HIPK2: variants seen among roughly 807,000 people sequenced by gnomAD.
The protein encoded by HIPK2 is homeodomain interacting protein kinase 2.
A neutral mutation model predicts 113.7 loss-of-function variants in HIPK2; 27 were observed. The observed-to-expected ratio is 0.24, with a 90% CI of 0.17 to 0.33. The LOEUF is 0.33. HIPK2 is among the 10% of genes least tolerant of loss of function. HIPK2 has a pLI of 1.00. For synonymous variants in HIPK2, 631 were observed against 642.2 expected (o/e 0.98, Z 0.26); for missense variants, 1,257 against 1,588.0 (o/e 0.79, Z 3.54).
intron 2 of HIPK2, among the ~76,000 whole-genome samples, chr7:139,686,078 G>A (rs551040580): frequency 6.6e-6 from 1 of 152,328 alleles, no homozygotes; most frequent in South Asian, 2.1e-4. Context: ...ATTAAGAACA[G>A]TCATGATTCA....
Position 139,583,923 on chromosome 7 carries a change from C to G in HIPK2, c.2859G>C (p.Lys953Asn). The G allele has an allele frequency of 1.2e-6, 2 of 1,614,034 alleles. No homozygotes were observed. Among genetic ancestry groups the G allele is most frequent in the Non-Finnish European group, 1.7e-6 (2 of 1,179,900 alleles). The change falls in exon 13 of 15, where the codon AAG (lysine) becomes AAC (asparagine). Residue 953 changes from lysine to asparagine, a missense_variant. This residue lies in a region of HIPK2 where 862 missense variants were observed against 1,004.3 expected (regional missense o/e 0.86). Transcript: ENST00000406875. The part of the protein sequence containing the change: ...GHNNANAFDT[K>N]GSLENHCTGN... ...CCGTGCAGTGATTCTCCAGGCTCCC[C>G]TTGGTGTCAAAGGCATTGGCATTGT...
intron 1 of HIPK2, among the ~76,000 whole-genome samples, chr7:139,753,563 A>C (rs1200769626): frequency 6.6e-6 from 1 of 152,272 alleles, no homozygotes; most frequent in African/African-American, 2.4e-5. Context: ...CTTTCAGCTC[A>C]GAGTGCATTT....
At chr7:139,669,638 G>A (rs1288677622) in intron 2 of HIPK2, among the ~76,000 whole-genome samples, 2 of 125,722 alleles carry the variant, frequency 1.6e-5, no homozygotes, top group East Asian at 2.9e-4. Context: ...CAAAAACACT[G>A]TCACAGCCAG....
chr7:139,662,617 CTTT>C (rs373566905), intron 2 of HIPK2, among the ~76,000 whole-genome samples: 2,035 of 133,584 alleles, frequency 0.015, 33 homozygotes, highest in African/African-American at 0.054. Flanking sequence ...TAAAACACCA[CTTT>C]TTTTTTTTTT....
chr7:139,620,268 A>G (rs1329380961), intron 7 of HIPK2, 133 bp downstream of exon 7: 7 of 1,285,886 alleles, frequency 5.4e-6, no homozygotes, highest in East Asian at 2.5e-5. Context: ...ATAACCTTGG[A>G]TGCAAATACT....
In HIPK2 at chr7:139,564,844, A is replaced by G. The variant is rs540564167; in HGVS notation, c.*8083T>C. On this transcript the variant is annotated 3_prime_UTR_variant, in exon 15 of 15. Transcript: ENST00000406875. ...CAATTGTTTAGTTTACTCATTTAAA[A>G]TGTGACTGTTTTGATAGCTTAGAAG... 4.0e-4 allele frequency: 61 copies of G among 152,386 alleles called. No homozygotes were observed. Among genetic ancestry groups the G allele is most frequent in the African/African-American group, 1.3e-3 (56 of 41,602 alleles). The allele number at this position is 152,386 out of a possible 1,614,324, so 9.4% of individuals were successfully genotyped here. A position where few individuals can be genotyped will look rare whatever the true frequency, so the allele number is the denominator to read the frequency against.
chr7:139,699,527 G>A (rs1794650987), intron 2 of HIPK2, among the ~76,000 whole-genome samples: 1 of 152,194 alleles, frequency 6.6e-6, no homozygotes, highest in African/African-American at 2.4e-5. Flanking sequence ...TTGTCCAGGA[G>A]AAGTCTCACT....
Position 139,755,154 on chromosome 7 carries a change from G to A in HIPK2, c.19+22451C>T, listed in dbSNP as rs968203957. Among the ~76,000 whole-genome samples the A allele has an allele frequency of 8.5e-5, 13 of 152,160 alleles. No individual in the cohort carries two copies. In the South Asian group the frequency reaches 1.2e-3, roughly 15 times the overall value. On this transcript the variant is annotated intron_variant, in intron 1 of 14. Transcript: ENST00000406875. ...GGCACACACCATCAGCCTGGTCAAC[G>A]AGGTGTGAAGGGAGGTCTGCAGGAA...
intron 13 of HIPK2, among the ~76,000 whole-genome samples, chr7:139,577,140 CTTTTTTTTT>C (rs966966045): frequency 4.4e-5 from 4 of 91,460 alleles, no homozygotes; most frequent in African/African-American, 1.3e-4. Context: ...ACTGGGCTTC[CTTTTTTTTT>C]TTTTTTTTTT....
rs561324515 is a variant in HIPK2, at chr7:139,705,350, G to T, written c.1103+10582C>A. On this transcript the variant is annotated intron_variant, in intron 2 of 14. Coordinates refer to ENST00000406875, the MANE Select transcript of HIPK2 (RefSeq NM_022740.5). ...ACCAACCTCATCTTCTCTTAAAAGG[G>T]AAAACTACTACCAACTGCTAGTAGT... 3.3e-3 allele frequency among the ~76,000 whole-genome samples: 495 copies of T among 152,206 alleles called. 4 individuals carry two copies. The highest frequency in any genetic ancestry group is 0.01 in the African/African-American group (417 of 41,520).
chr7:139,666,352 A>G (rs931805887), intron 2 of HIPK2, among the ~76,000 whole-genome samples: 5 of 152,210 alleles, frequency 3.3e-5, no homozygotes, highest in African/African-American at 1.2e-4. Flanking sequence ...TGTCCTCTGA[A>G]AGAGGCCTTC....
At chr7:139,589,403 TTA>T (rs1491447540) in intron 12 of HIPK2, among the ~76,000 whole-genome samples, 4 of 135,990 alleles carry the variant, frequency 2.9e-5, no homozygotes, top group African/African-American at 1.3e-4. Flanking sequence ...AAATGAGCAT[TTA>T]AAAAAAAAAA....
intron 2 of HIPK2, among the ~76,000 whole-genome samples, chr7:139,678,998 T>C (rs1802606211): frequency 6.6e-6 from 1 of 152,248 alleles, no homozygotes; most frequent in Non-Finnish European, 1.5e-5. Context: ...TTGTGATTTC[T>C]GCACATTGAT....
intron 1 of HIPK2, among the ~76,000 whole-genome samples, chr7:139,775,972 T>G (rs1464270583): frequency 6.6e-6 from 1 of 152,068 alleles, no homozygotes; most frequent in South Asian, 2.1e-4. Context: ...TCACCGGGAG[T>G]GTCCAGCAGA....
intron 1 of HIPK2, among the ~76,000 whole-genome samples, chr7:139,775,139 G>A (rs1161607754): frequency 6.6e-6 from 1 of 152,148 alleles, no homozygotes; most frequent in Non-Finnish European, 1.5e-5. Context: ...ACACTCTTTA[G>A]GAGCTCAAAA....
chr7:139,614,895 T>C (rs1799980647), intron 7 of HIPK2, among the ~76,000 whole-genome samples: 1 of 152,176 alleles, frequency 6.6e-6, no homozygotes, highest in Non-Finnish European at 1.5e-5. Context: ...CAGGCGTGAG[T>C]TGAGGACTAT....
At chr7:139,658,772 T>G (rs970088314) in intron 2 of HIPK2, among the ~76,000 whole-genome samples, 1 of 152,212 alleles carries the variant, frequency 6.6e-6, no homozygotes, top group Non-Finnish European at 1.5e-5. Flanking sequence ...TGCCATCTCC[T>G]TCAGGCAAAA....
intron 1 of HIPK2, among the ~76,000 whole-genome samples, chr7:139,722,730 T>G (rs1795451736): frequency 6.6e-6 from 1 of 152,026 alleles, no homozygotes; most frequent in South Asian, 2.1e-4. Flanking sequence ...ATTCAATTAT[T>G]CAGAGCACCC....
chr7:139,653,277 T>C (rs1182793639), intron 2 of HIPK2, among the ~76,000 whole-genome samples: 2 of 151,918 alleles, frequency 1.3e-5, no homozygotes, highest in African/African-American at 4.8e-5. Flanking sequence ...CTGGACCTCC[T>C]ATGCCATGGT....
Sources: gnomAD v4.1 joint callset for allele counts (sites outside exome capture counted in the v4.1 genomes callset) on GRCh38, gnomAD v4.1.1 for gene constraint, gnomAD v4.1.1 regional missense constraint, MANE v1.5 for transcripts, NCBI Gene and HGNC (gene_info 2026-07-23, HGNC 2026-07-21) for gene names.